The following NAV3 variants were observed in gnomAD, a reference collection of about 807,000 sequenced individuals.
NAV3 encodes the protein pore membrane and/or filament interacting like protein 1.
A neutral mutation model predicts 244.7 loss-of-function variants in NAV3; 87 were observed. The ratio of observed to expected loss-of-function variants is 0.36; its 90% CI spans 0.30 to 0.42. The LOEUF is 0.42. Among genes scored for constraint, NAV3 ranks in the 20% least tolerant of loss-of-function variants. NAV3 has a pLI of 1.00. For missense variants in NAV3, 2,663 were observed against 2,893.3 expected, an observed-to-expected ratio of 0.92 and a Z score of 1.83; for synonymous variants, 1,126 against 1,042.2, an observed-to-expected ratio of 1.08 and a Z score of -1.55.
intron 39 of NAV3, among the ~76,000 whole-genome samples, chr12:78,209,841 C>T (rs1208961185): frequency 6.6e-6 from 1 of 152,176 alleles, no homozygotes; most frequent in African/African-American, 2.4e-5. Context: ...TTCCTTCTCC[C>T]TCTTCAAACA....
At chr12:77,980,536 T>C (rs535630347) in intron 5 of NAV3, among the ~76,000 whole-genome samples, 1 of 152,344 alleles carries the variant, frequency 6.6e-6, no homozygotes, top group East Asian at 1.9e-4. Context: ...GATTTTTCAC[T>C]GATCTGTGTG....
intron 12 of NAV3, among the ~76,000 whole-genome samples, chr12:78,099,981 C>A (rs1448758): frequency 6.6e-6 from 1 of 151,580 alleles, no homozygotes; most frequent in Non-Finnish European, 1.5e-5. Flanking sequence ...TCTGATGCCA[C>A]GACAGAATAG....
At chr12:78,017,991 C>T (rs951551386) in intron 8 of NAV3, among the ~76,000 whole-genome samples, 4 of 152,090 alleles carry the variant, frequency 2.6e-5, no homozygotes, top group Admixed American at 1.3e-4. Flanking sequence ...CATTTCTGGT[C>T]CCATTTCCAT....
At chr12:77,944,839 AG>A (rs1272434246) in intron 3 of NAV3, among the ~76,000 whole-genome samples, 1 of 152,158 alleles carries the variant, frequency 6.6e-6, no homozygotes, top group Non-Finnish European at 1.5e-5. Context: ...GCTAATCCTT[AG>A]GGAAGATGCA....
At chr12:77,902,148 T>C (rs540544659) in intron 1 of NAV3, among the ~76,000 whole-genome samples, 45 of 152,330 alleles carry the variant, frequency 3.0e-4, no homozygotes, top group Admixed American at 2.9e-3. Flanking sequence ...AGTTATTTTA[T>C]TGGTAGTGGA....
At chr12:77,613,767 T>C (rs1189636063) in intron 2 of NAV3, among the ~76,000 whole-genome samples, 1 of 152,206 alleles carries the variant, frequency 6.6e-6, no homozygotes. Context: ...GGCAATTTAC[T>C]GAAGTTTTGT....
chr12:78,119,013 T>C (rs1955546414), intron 14 of NAV3, among the ~76,000 whole-genome samples: 1 of 152,208 alleles, frequency 6.6e-6, no homozygotes, highest in South Asian at 2.1e-4. Context: ...GCAAAACATA[T>C]GTTTTCATTT....
chr12:77,632,399 T>C (rs986273307), intron 2 of NAV3, among the ~76,000 whole-genome samples: 3 of 152,118 alleles, frequency 2.0e-5, no homozygotes, highest in Non-Finnish European at 4.4e-5. Context: ...TCATGGCGGA[T>C]GGCAAGGAGG....
chr12:77,833,656 G>A (rs1874106246), intron 1 of NAV3, among the ~76,000 whole-genome samples: 1 of 152,230 alleles, frequency 6.6e-6, no homozygotes, highest in African/African-American at 2.4e-5. Context: ...TAGACCCTCT[G>A]CCTTATTGCA....
In NAV3 at chr12:77,888,109, T is replaced by A. The variant is rs553001986; in HGVS notation, c.244-52210T>A. Among the ~76,000 whole-genome samples the A allele has an allele frequency of 3.7e-4, 57 of 152,116 alleles. 1 individual carries two copies. Among genetic ancestry groups the A allele is most frequent in the African/African-American group, 1.3e-3 (56 of 41,494 alleles). On this transcript the variant is annotated intron_variant, in intron 1 of 39. Coordinates refer to ENST00000397909, the MANE Select transcript of NAV3 (RefSeq NM_001024383.2). The stretch of plus-strand genomic sequence containing the variant: ...AATATGCGGTAAAATATGATGATTT[T>A]AACCATGGGTTTGCAAAAGATTTAG...
chr12:78,201,615 T>C (rs932527033), intron 38 of NAV3, among the ~76,000 whole-genome samples: 2 of 152,088 alleles, frequency 1.3e-5, no homozygotes, highest in Non-Finnish European at 1.5e-5. Context: ...ATGTCATTTT[T>C]CCATAAGTAT....
At chr12:78,165,035 G>A (rs1188315216) in intron 23 of NAV3, among the ~76,000 whole-genome samples, 1 of 152,032 alleles carries the variant, frequency 6.6e-6, no homozygotes, top group Non-Finnish European at 1.5e-5. Flanking sequence ...TTTCAAGCCT[G>A]ACCTGAACGA....
intron 9 of NAV3, among the ~76,000 whole-genome samples, chr12:78,038,593 G>C (rs921209125): frequency 7.2e-5 from 11 of 152,184 alleles, no homozygotes; most frequent in Non-Finnish European, 1.5e-5. Context: ...TGTCAGAATA[G>C]TGATTTCTGA....
intron 2 of NAV3, among the ~76,000 whole-genome samples, chr12:77,776,887 A>G (rs1030145153): frequency 6.6e-6 from 1 of 152,190 alleles, no homozygotes; most frequent in African/African-American, 2.4e-5. Context: ...AGGCTGTAAC[A>G]TCTTTATCTA....
chr12:78,046,168 CT>C (rs1341730163), intron 9 of NAV3, among the ~76,000 whole-genome samples: 5 of 152,190 alleles, frequency 3.3e-5, no homozygotes, highest in Admixed American at 6.5e-5. Context: ...TTTTGTTAAT[CT>C]TTTCAAAAAC....
At chr12:77,875,070 A>C (rs1881653323) in intron 1 of NAV3, among the ~76,000 whole-genome samples, 2 of 152,168 alleles carry the variant, frequency 1.3e-5, no homozygotes, top group South Asian at 4.1e-4. Context: ...TATGAGTAGA[A>C]GCCAAATGGA....
At chr12:77,797,828 G>A (rs1565817862) in intron 2 of NAV3, among the ~76,000 whole-genome samples, 1 of 150,878 alleles carries the variant, frequency 6.6e-6, no homozygotes, top group East Asian at 2.0e-4. Flanking sequence ...GACAAAGCAA[G>A]GCTCTGTCTC....
intron 12 of NAV3, among the ~76,000 whole-genome samples, chr12:78,059,753 T>C (rs1884056837): frequency 6.6e-6 from 1 of 152,156 alleles, no homozygotes; most frequent in Non-Finnish European, 1.5e-5. Flanking sequence ...AGACTTATTT[T>C]CCTTGTTAGA....
At chr12:77,778,178 C>T (rs1271923845) in intron 2 of NAV3, among the ~76,000 whole-genome samples, 1 of 129,388 alleles carries the variant, frequency 7.7e-6, no homozygotes, top group African/African-American at 2.9e-5. Flanking sequence ...CTCCTCTGCC[C>T]TCTCCTCCTC....
Sources: gnomAD v4.1 joint callset for allele counts (sites outside exome capture counted in the v4.1 genomes callset) on GRCh38, gnomAD v4.1.1 for gene constraint, MANE v1.5 for transcripts, NCBI Gene and HGNC (gene_info 2026-07-23, HGNC 2026-07-21) for gene names.